Variants in GRIK4 observed in about 807,000 individuals in gnomAD.
GRIK4 encodes the protein glutamate ionotropic receptor kainate type subunit 4.
A neutral mutation model predicts 104.9 loss-of-function variants in GRIK4; 40 were observed. That is an observed-to-expected ratio of 0.38 (90% confidence interval 0.30 to 0.50). The LOEUF (loss-of-function observed/expected upper bound fraction) is 0.50, where lower values mean the gene tolerates loss of function less well. Ranked by LOEUF, GRIK4 falls within the 20% of genes least tolerant of loss-of-function variation. The pLI is 0.93. For missense variants in GRIK4, 1,047 were observed against 1,308.1 expected (o/e 0.80, Z 3.08); for synonymous variants, 485 against 524.9 (o/e 0.92, Z 1.04).
At position 120,822,012 on chromosome 11, in the gene GRIK4, C is replaced by T. The variant is rs1953139031; in HGVS notation, c.511+2092C>T. On this transcript the variant is annotated intron_variant, in intron 6 of 20. Coordinates refer to ENST00000527524, the MANE Select transcript of GRIK4 (RefSeq NM_014619.5). ...ATCACTTGACATCAGGAGTTTGAGA[C>T]CAGTCTGGCCAATGTAGTAGAAACC... is the stretch of plus-strand genomic sequence containing the variant. Among the ~76,000 whole-genome samples the T allele has an allele frequency of 2.0e-5, 3 of 151,914 alleles. No individual in the cohort carries two copies. In the South Asian group the frequency reaches 6.2e-4, roughly 32 times the overall value.
chr11:120,973,740 T>C (rs543651539), intron 19 of GRIK4, among the ~76,000 whole-genome samples: 1 of 152,304 alleles, frequency 6.6e-6, no homozygotes, highest in Admixed American at 6.5e-5. Context: ...CAAGCGAAAC[T>C]GCACGTGACC....
intron 1 of GRIK4, among the ~76,000 whole-genome samples, chr11:120,583,804 A>G (rs534577567): frequency 6.6e-6 from 1 of 152,342 alleles, no homozygotes; most frequent in South Asian, 2.1e-4. Flanking sequence ...TGCTTTGGGC[A>G]GTATGGCCAT....
At chr11:120,830,107 G>A (rs1426089107) in intron 6 of GRIK4, among the ~76,000 whole-genome samples, 1 of 151,746 alleles carries the variant, frequency 6.6e-6, no homozygotes, top group Non-Finnish European at 1.5e-5. Context: ...AGGAAGACGG[G>A]TTGGCAGCAC....
At chr11:120,664,763 T>C (rs996771363) in intron 3 of GRIK4, among the ~76,000 whole-genome samples, 1 of 152,246 alleles carries the variant, frequency 6.6e-6, no homozygotes, top group African/African-American at 2.4e-5. Context: ...GGACACTTTT[T>C]ACCTCAAAAG....
intron 1 of GRIK4, among the ~76,000 whole-genome samples, chr11:120,614,417 G>A (rs763051335): frequency 6.6e-6 from 1 of 152,194 alleles, no homozygotes; most frequent in Non-Finnish European, 1.5e-5. Context: ...CCTGTCCCAT[G>A]TGCATGGGCT....
At chr11:120,878,091 C>T (rs964307553) in intron 11 of GRIK4, among the ~76,000 whole-genome samples, 3 of 152,222 alleles carry the variant, frequency 2.0e-5, no homozygotes, top group Non-Finnish European at 2.9e-5. Flanking sequence ...TCATCAGCCC[C>T]CAGGGCTCAT....
chr11:120,812,165 A>G (rs1374751851), intron 4 of GRIK4, among the ~76,000 whole-genome samples: 1 of 152,220 alleles, frequency 6.6e-6, no homozygotes, highest in African/African-American at 2.4e-5. Flanking sequence ...AGAAGGTCAG[A>G]TGGTCGGAAC....
chr11:120,800,947 A>G (rs1388240462), intron 3 of GRIK4, among the ~76,000 whole-genome samples: 1 of 151,010 alleles, frequency 6.6e-6, no homozygotes, highest in Non-Finnish European at 1.5e-5. Context: ...TTCTTGAGAT[A>G]TAACTTGCAT....
intron 3 of GRIK4, among the ~76,000 whole-genome samples, chr11:120,795,389 A>T (rs766137342): frequency 3.1e-4 from 47 of 152,322 alleles, no homozygotes; most frequent in Non-Finnish European, 6.3e-4. Context: ...CTGGCGGGTC[A>T]TCCACCCTGC....
chr11:120,708,066 A>T (rs1950660037), intron 3 of GRIK4, among the ~76,000 whole-genome samples: 1 of 152,200 alleles, frequency 6.6e-6, no homozygotes, highest in East Asian at 1.9e-4. Context: ...ACACATCATA[A>T]GAATACCTGG....
chr11:120,593,810 C>T (rs1228970423), intron 1 of GRIK4, among the ~76,000 whole-genome samples: 1 of 152,202 alleles, frequency 6.6e-6, no homozygotes, highest in African/African-American at 2.4e-5. Flanking sequence ...ACCTCTTTCC[C>T]CATCTCAGTA....
chr11:120,925,780 G>A (rs1475767303), intron 13 of GRIK4, among the ~76,000 whole-genome samples: 1 of 152,090 alleles, frequency 6.6e-6, no homozygotes, highest in African/African-American at 2.4e-5. Context: ...CGACCAGTCT[G>A]GCCAACATGG....
intron 12 of GRIK4, among the ~76,000 whole-genome samples, chr11:120,904,545 C>T (rs544793400): frequency 5.3e-5 from 8 of 152,330 alleles, no homozygotes; most frequent in Non-Finnish European, 8.8e-5. Context: ...GTCTTTAAAA[C>T]GCTTGATGCT....
intron 3 of GRIK4, among the ~76,000 whole-genome samples, chr11:120,779,600 T>C (rs1427370691): frequency 6.6e-6 from 1 of 152,206 alleles, no homozygotes; most frequent in Non-Finnish European, 1.5e-5. Context: ...GTGGTGAAAT[T>C]GGTCAAGTGA....
At chr11:120,683,083 T>C (rs1950223065) in intron 3 of GRIK4, among the ~76,000 whole-genome samples, 1 of 152,176 alleles carries the variant, frequency 6.6e-6, no homozygotes, top group Non-Finnish European at 1.5e-5. Context: ...TGGTCTTTCC[T>C]GGGCTTGCTG....
At chr11:120,625,006 G>A (rs992489828) in intron 1 of GRIK4, among the ~76,000 whole-genome samples, 3 of 152,158 alleles carry the variant, frequency 2.0e-5, no homozygotes, top group African/African-American at 4.8e-5. Flanking sequence ...ACTTAAGGCC[G>A]GGCGCGGTGG....
chr11:120,974,793 C>T lies in GRIK4; in HGVS notation c.2396-7313C>T, dbSNP rs114115746. 5.7e-3 allele frequency among the ~76,000 whole-genome samples: 872 copies of T among 152,316 alleles called. 6 individuals carry two copies. The highest frequency in any genetic ancestry group is 0.02 in the African/African-American group (830 of 41,568). ...TCCCTACCTCGCTAAAAAAATGAAA[C>T]GGCAGATCCTGTGGAAAACTGGAGA... On this transcript the variant is annotated intron_variant, in intron 19 of 20. Coordinates refer to ENST00000527524, the MANE Select transcript of GRIK4 (RefSeq NM_014619.5).
At chr11:120,580,081 T>G (rs1019422752) in intron 1 of GRIK4, among the ~76,000 whole-genome samples, 4 of 152,234 alleles carry the variant, frequency 2.6e-5, no homozygotes, top group Admixed American at 2.6e-4. Context: ...CTGGATAGTA[T>G]TCCATTGTGC....
At chr11:120,602,627 G>T (rs1194850006) in intron 1 of GRIK4, among the ~76,000 whole-genome samples, 2 of 152,232 alleles carry the variant, frequency 1.3e-5, no homozygotes, top group Non-Finnish European at 2.9e-5. Flanking sequence ...GAAGCCCATA[G>T]TTCCGATTGA....
Sources: gnomAD v4.1 joint callset for allele counts (sites outside exome capture counted in the v4.1 genomes callset) on GRCh38, gnomAD v4.1.1 for gene constraint, MANE v1.5 for transcripts, NCBI Gene and HGNC (gene_info 2026-07-23, HGNC 2026-07-21) for gene names.